The following NEDD4L variants were observed in gnomAD, a reference collection of about 807,000 sequenced individuals.
NEDD4L encodes NEDD4 like E3 ubiquitin protein ligase.
A neutral mutation model predicts 148.9 loss-of-function variants in NEDD4L; 54 were observed. That is an observed-to-expected ratio of 0.36 (90% CI 0.29 to 0.45). The LOEUF is 0.45. Ranked by LOEUF, NEDD4L falls within the 20% of genes least tolerant of loss-of-function variation. The pLI, the probability that NEDD4L is intolerant of heterozygous loss-of-function variation, is 1.00. For synonymous variants in NEDD4L, 433 were observed against 440.7 expected (o/e 0.98, Z 0.22); for missense variants, 856 against 1,233.8 (o/e 0.69, Z 4.59).
intron 2 of NEDD4L, among the ~76,000 whole-genome samples, chr18:58,240,129 A>G (rs1449909360): frequency 6.6e-6 from 1 of 152,132 alleles, no homozygotes; most frequent in Non-Finnish European, 1.5e-5. Context: ...GATTTCATGC[A>G]CAATTCCTGG....
Position 58,048,462 on chromosome 18 carries a change from T to A in NEDD4L, c.48+3754T>A, listed in dbSNP as rs574172804. Among the ~76,000 whole-genome samples the A allele has an allele frequency of 7.2e-5, 11 of 152,318 alleles. No homozygotes were observed. In the South Asian group the frequency reaches 1.9e-3, roughly 26 times the overall value. On this transcript the variant is annotated intron_variant, in intron 1 of 30. Transcript: ENST00000400345. ...TAGGCTGTGATTTACAGATGAGGAA[T>A]GAAAGCTCAAAGAGGTTACGTGACC...
intron 1 of NEDD4L, among the ~76,000 whole-genome samples, chr18:58,094,325 C>A (rs1257918835): frequency 2.0e-5 from 3 of 152,084 alleles, no homozygotes; most frequent in African/African-American, 7.2e-5. Flanking sequence ...GCTGGGACCA[C>A]AGGCACATGC....
intron 1 of NEDD4L, among the ~76,000 whole-genome samples, chr18:58,164,753 G>A (rs1387580278): frequency 6.6e-6 from 1 of 152,226 alleles, no homozygotes; most frequent in Non-Finnish European, 1.5e-5. Context: ...ACAGGCATAA[G>A]CCACCATGCC....
At chr18:58,060,454 A>T (rs1272778635) in intron 1 of NEDD4L, among the ~76,000 whole-genome samples, 1 of 151,786 alleles carries the variant, frequency 6.6e-6, no homozygotes, top group African/African-American at 2.4e-5. Context: ...CTTTGGGGAG[A>T]TTGGATTTGA....
intron 16 of NEDD4L, among the ~76,000 whole-genome samples, chr18:58,343,405 A>G (rs2042671405): frequency 6.6e-6 from 1 of 152,178 alleles, no homozygotes; most frequent in Non-Finnish European, 1.5e-5. Context: ...AGATTTTGTT[A>G]ATTGATCCCG....
At chr18:58,088,798 G>A (rs1055859617) in intron 1 of NEDD4L, among the ~76,000 whole-genome samples, 7 of 152,124 alleles carry the variant, frequency 4.6e-5, no homozygotes, top group Admixed American at 2.0e-4. Flanking sequence ...TGTCGTTCAA[G>A]TGTGGCAGTT....
At position 58,337,137 on chromosome 18, in the gene NEDD4L, C is replaced by T. The variant is rs554761579; in HGVS notation, c.1125+1600C>T. On this transcript the variant is annotated intron_variant, in intron 13 of 30. Coordinates refer to ENST00000400345, the MANE Select transcript of NEDD4L (RefSeq NM_001144967.3). Reference sequence around the variant, plus strand: ...CCTCTGAATGAGATCCCGGGTGGCACGTTAGACTGCCATTTTCTTGCCTTC... The same window carrying T: ...CCTCTGAATGAGATCCCGGGTGGCATGTTAGACTGCCATTTTCTTGCCTTC... 1.0e-3 allele frequency among the ~76,000 whole-genome samples: 155 copies of T among 152,094 alleles called. 1 individual carries two copies. The highest frequency in any genetic ancestry group is 2.0e-3 in the Non-Finnish European group (137 of 68,016).
chr18:58,381,988 G>A (rs2048404935), intron 24 of NEDD4L, among the ~76,000 whole-genome samples: 1 of 152,204 alleles, frequency 6.6e-6, no homozygotes, highest in African/African-American at 2.4e-5. Context: ...AACCGGAAAC[G>A]CAGCAAAGGG....
chr18:58,094,916 A>AG (rs1455036045), intron 1 of NEDD4L, among the ~76,000 whole-genome samples: 3 of 152,058 alleles, frequency 2.0e-5, no homozygotes, highest in African/African-American at 7.3e-5. Context: ...AAAAAAAAAA[A>AG]AAGAAGGGAT....
chr18:58,289,789 A>G (rs986284610), intron 5 of NEDD4L, among the ~76,000 whole-genome samples: 5 of 152,250 alleles, frequency 3.3e-5, no homozygotes, highest in African/African-American at 1.2e-4. Context: ...TACCAGAGTT[A>G]TAAAATCCCT....
At chr18:58,145,798 GTCC>G (rs1214242768) in intron 1 of NEDD4L, among the ~76,000 whole-genome samples, 5 of 152,126 alleles carry the variant, frequency 3.3e-5, no homozygotes, top group African/African-American at 1.2e-4. Flanking sequence ...TCAATTTCCA[GTCC>G]TCCTTCTCTC....
Position 58,399,408 on chromosome 18 carries a change from T to G in NEDD4L, c.*3139T>G. ...GGACCCTTCAGAAGGTGACATCAGA[T>G]ATTCCCTAAATTCAGACAATGAGGG... On this transcript the variant is annotated 3_prime_UTR_variant, in exon 31 of 31. Coordinates refer to ENST00000400345, the MANE Select transcript of NEDD4L (RefSeq NM_001144967.3). 6.6e-6 allele frequency: 1 copy of G among 152,254 alleles called. No homozygotes were observed. The highest frequency in any genetic ancestry group is 1.5e-5 in the Non-Finnish European group (1 of 68,052). 9.4% of individuals were successfully genotyped at this position (152,254 alleles called of 1,614,324 possible). A position where few individuals can be genotyped will look rare whatever the true frequency, so the allele number is the denominator to read the frequency against.
intron 1 of NEDD4L, among the ~76,000 whole-genome samples, chr18:58,094,753 C>G (rs1196466823): frequency 1.3e-5 from 2 of 152,158 alleles, no homozygotes; most frequent in South Asian, 4.1e-4. Context: ...CATGGAGGAG[C>G]CTGACTGCAT....
Position 58,397,744 on chromosome 18 carries a change from T to C in NEDD4L, c.*1475T>C, listed in dbSNP as rs1441116460. On this transcript the variant is annotated 3_prime_UTR_variant, in exon 31 of 31. Coordinates refer to ENST00000400345, the MANE Select transcript of NEDD4L (RefSeq NM_001144967.3). ...AGTTTGATTCTTTTCCACGTGTAAG[T>C]CTCCATTGCAGAATTGTCGTGCTTT... 6.6e-6 allele frequency: 1 copy of C among 152,598 alleles called. No homozygotes were observed. Among genetic ancestry groups the C allele is most frequent in the Non-Finnish European group, 1.5e-5 (1 of 68,048 alleles). 9.5% of individuals were successfully genotyped at this position (152,598 alleles called of 1,614,324 possible).
chr18:58,142,036 CT>C lies in NEDD4L; in HGVS notation c.49-23749del, dbSNP rs1462744620. Among the ~76,000 whole-genome samples, 277 of 44,814 alleles carry C rather than the reference CT, an allele frequency of 6.2e-3. 4 individuals are homozygous for C. The highest frequency in any genetic ancestry group is 0.043 in the Admixed American group (161 of 3,736). The allele number at this position is 44,814 out of a possible 152,430, so 29.4% of individuals were successfully genotyped here. A position where few individuals can be genotyped will look rare whatever the true frequency, so the allele number is the denominator to read the frequency against. ...CCGACCCCACTGCCTTCCAAAATTTCTTTCTTTTTTTTTTTTTTTTTTTTTT... is the reference window on the plus strand; with the variant it reads ...CCGACCCCACTGCCTTCCAAAATTTCTTCTTTTTTTTTTTTTTTTTTTTTT... On this transcript the variant is annotated intron_variant, in intron 1 of 30. Transcript: ENST00000400345.
At chr18:58,186,726 C>T (rs1245754649) in intron 2 of NEDD4L, among the ~76,000 whole-genome samples, 2 of 152,194 alleles carry the variant, frequency 1.3e-5, no homozygotes, top group African/African-American at 2.4e-5. Flanking sequence ...ACTTAAGTGC[C>T]GGAGTTGGAG....
At chr18:58,228,911 T>C (rs2044713020) in intron 2 of NEDD4L, among the ~76,000 whole-genome samples, 1 of 152,170 alleles carries the variant, frequency 6.6e-6, no homozygotes, top group African/African-American at 2.4e-5. Context: ...TTCTTTAGAG[T>C]CTTGCTACTC....
rs1382161309 is a variant in NEDD4L, at chr18:58,333,823, A to G, written c.996A>G (p.Arg332=). ...GTCTTTTCCTCTCCTTCCAGCAAAG[A>G]GAACCCTCCTCAAGGTTGAGGTCAT... ...NGEQFSSLIQ[R]EPSSRLRSCS... is the part of the protein sequence containing the mutation. Residue 332 remains arginine (R), a synonymous_variant, in exon 12 of 31, where the codon AGA becomes AGG. Transcript: ENST00000400345. The G allele has an allele frequency of 1.9e-6, 3 of 1,613,604 alleles. No homozygotes were observed. Among genetic ancestry groups the G allele is most frequent in the Non-Finnish European group, 1.7e-6 (2 of 1,179,562 alleles).
intron 2 of NEDD4L, among the ~76,000 whole-genome samples, chr18:58,208,181 C>T (rs1273793378): frequency 1.3e-5 from 2 of 152,198 alleles, no homozygotes; most frequent in East Asian, 3.9e-4. Flanking sequence ...GGGATTCACT[C>T]GGGGGAAAGT....
Sources: gnomAD v4.1 joint callset for allele counts (sites outside exome capture counted in the v4.1 genomes callset) on GRCh38, gnomAD v4.1.1 for gene constraint, MANE v1.5 for transcripts, NCBI Gene and HGNC (gene_info 2026-07-23, HGNC 2026-07-21) for gene names.